The following COL28A1 variants were observed in gnomAD, a reference collection of about 807,000 sequenced individuals.
The protein encoded by COL28A1 is collagen alpha-1(XXVIII) chain.
In COL28A1, 161 loss-of-function variants were observed where a neutral mutation model predicts 150.2. The ratio of observed to expected loss-of-function variants is 1.07; its 90% CI spans 0.94 to 1.22. COL28A1 has a LOEUF of 1.22. Among genes scored for constraint, COL28A1 ranks in the 50% most tolerant of loss-of-function variants. COL28A1 has a pLI of 0.00. For missense variants in COL28A1, 1,617 were observed against 1,388.3 expected, an observed-to-expected ratio of 1.16 and a Z score of -2.62; for synonymous variants, 552 against 469.7, an observed-to-expected ratio of 1.18 and a Z score of -2.26.
In COL28A1 at chr7:7,429,426, T is replaced by TCTCTCACA. The variant is rs1554270137; in HGVS notation, c.1998+3046_1998+3047insTGTGAGAG. Among the ~76,000 whole-genome samples the TCTCTCACA allele has an allele frequency of 7.4e-4, 88 of 119,386 alleles. 1 individual carries two copies. Among genetic ancestry groups the TCTCTCACA allele is most frequent in the African/African-American group, 2.7e-3 (87 of 32,106 alleles). The allele number at this position is 119,386 out of a possible 152,430, so 78.3% of individuals were successfully genotyped here. A position where few individuals can be genotyped will look rare whatever the true frequency, so the allele number is the denominator to read the frequency against. On this transcript the variant is annotated intron_variant, in intron 25 of 34. Coordinates refer to ENST00000399429, the MANE Select transcript of COL28A1 (RefSeq NM_001037763.3). Reference sequence around the variant, plus strand: ...ATCTCCCTCTCTCTCTCTCTCTCTCTCACATACACACACACTCTCTTTCTC... The same window carrying TCTCTCACA: ...ATCTCCCTCTCTCTCTCTCTCTCTCTCTCTCACACACATACACACACACTCTCTTTCTC...
rs764860546 is a variant in COL28A1, at chr7:7,373,262, G to T, written c.2644C>A (p.Gln882Lys). ...TCTTCAAACATGTCGTTGGCTGCTT[G>T]CAGAGCAGTGGCTGTGTATGTGCCT... is the stretch of plus-strand genomic sequence containing the variant. ...GEGTYTATAL[Q>K]AANDMFEDAR... Residue 882 changes from glutamine (Q) to lysine (K), a missense_variant, in exon 32 of 35, where the codon CAA becomes AAA. Physicochemically the swap from Gln to Lys is moderately conservative, Grantham distance 53. Coordinates refer to ENST00000399429, the MANE Select transcript of COL28A1 (RefSeq NM_001037763.3). The surrounding 1 kb of genome is among the most constrained non-coding windows in gnomAD (Gnocchi z 4.1). The T allele has an allele frequency of 3.7e-6, 6 of 1,614,170 alleles. No homozygotes were observed. In the South Asian group the frequency reaches 5.5e-5, roughly 15 times the overall value.
At chr7:7,377,692 T>C (rs972437862) in intron 30 of COL28A1, among the ~76,000 whole-genome samples, 5 of 151,538 alleles carry the variant, frequency 3.3e-5, no homozygotes, top group African/African-American at 1.2e-4. Flanking sequence ...AACTTTCTCC[T>C]GGGCAGTGGG....
chr7:7,398,274 A>G (rs1176519328), intron 27 of COL28A1, among the ~76,000 whole-genome samples: 2 of 152,200 alleles, frequency 1.3e-5, no homozygotes, highest in Admixed American at 6.5e-5. Context: ...TCAGCTCTCA[A>G]TACTTACAGT....
intron 3 of COL28A1, among the ~76,000 whole-genome samples, chr7:7,525,248 G>A (rs757069164): frequency 2.0e-5 from 3 of 152,186 alleles, no homozygotes; most frequent in Non-Finnish European, 4.4e-5. Context: ...TTCAGTGCAT[G>A]TCATATGTAC....
chr7:7,354,330 T>C (rs1203989692), downstream of COL28A1, among the ~76,000 whole-genome samples: 1 of 152,104 alleles, frequency 6.6e-6, no homozygotes, highest in Non-Finnish European at 1.5e-5. Flanking sequence ...AAATTACCAA[T>C]GTTACTGGAA....
chr7:7,426,938 T>C (rs894816230), intron 25 of COL28A1, among the ~76,000 whole-genome samples: 2 of 152,188 alleles, frequency 1.3e-5, no homozygotes, highest in Non-Finnish European at 2.9e-5. Context: ...TAAAACTGAA[T>C]ATAATTTTCC....
intron 30 of COL28A1, among the ~76,000 whole-genome samples, chr7:7,379,454 T>C (rs1781742746): frequency 6.6e-6 from 1 of 152,088 alleles, no homozygotes; most frequent in African/African-American, 2.4e-5. Flanking sequence ...CACCATTTTG[T>C]CTGCTCTGGA....
intron 27 of COL28A1, among the ~76,000 whole-genome samples, chr7:7,417,046 G>T (rs987405703): frequency 2.0e-5 from 3 of 151,922 alleles, no homozygotes; most frequent in African/African-American, 7.3e-5. Context: ...TTATGACGGG[G>T]GCAGCAGTGG....
chr7:7,483,844 A>C (rs546077481), intron 13 of COL28A1, among the ~76,000 whole-genome samples: 1 of 152,170 alleles, frequency 6.6e-6, no homozygotes, highest in Non-Finnish European at 1.5e-5. Context: ...TAATAAATAT[A>C]GTTAATAAAA....
chr7:7,374,038 A>ATATATAT (rs1554260692), intron 31 of COL28A1, among the ~76,000 whole-genome samples: 14 of 113,624 alleles, frequency 1.2e-4, no homozygotes, highest in South Asian at 3.2e-4. Flanking sequence ...AAAAAAAAAA[A>ATATATAT]ATATATATAT....
chr7:7,344,928 T>C, the COL28A1 span, among the ~76,000 whole-genome samples: 1 of 152,036 alleles, frequency 6.6e-6, no homozygotes, highest in African/African-American at 2.4e-5. Flanking sequence ...AATTGAGTTA[T>C]TACAGCGCAA....
intron 26 of COL28A1, among the ~76,000 whole-genome samples, chr7:7,419,086 A>AT (rs1189263530): frequency 1.3e-5 from 2 of 152,146 alleles, no homozygotes; most frequent in African/African-American, 4.8e-5. Context: ...ATTGACATCT[A>AT]TTTTCCCTAT....
At chr7:7,444,316 A>G in intron 19 of COL28A1, 102 bp downstream of exon 19, 1 of 1,514,030 alleles carries the variant, frequency 6.6e-7, no homozygotes, top group Non-Finnish European at 8.9e-7. Context: ...TCTTAAAGAA[A>G]CTAAGTTTGT....
At chr7:7,405,215 A>G (rs1253076358) in intron 27 of COL28A1, among the ~76,000 whole-genome samples, 6 of 152,324 alleles carry the variant, frequency 3.9e-5, no homozygotes, top group African/African-American at 1.2e-4. Flanking sequence ...AGCAGATTCT[A>G]TTTTGAAGGA....
At chr7:7,457,055 C>G (rs772418813) in intron 15 of COL28A1, among the ~76,000 whole-genome samples, 9 of 152,164 alleles carry the variant, frequency 5.9e-5, no homozygotes, top group Non-Finnish European at 1.0e-4. Flanking sequence ...GCGGGTGGAA[C>G]CATCTCCATG....
chr7:7,478,275 T>C (rs1789090752), intron 13 of COL28A1, among the ~76,000 whole-genome samples: 1 of 151,822 alleles, frequency 6.6e-6, no homozygotes, highest in Non-Finnish European at 1.5e-5. Context: ...TAGCTAGACA[T>C]AAAGATGCTC....
intron 21 of COL28A1, 57 bp downstream of exon 21, chr7:7,440,733 T>TA (rs1423705722): frequency 6.9e-6 from 5 of 721,278 alleles, no homozygotes; most frequent in Non-Finnish European, 4.8e-6. Flanking sequence ...AATACTATAT[T>TA]AAAACCAGAC....
At chr7:7,480,354 A>T (rs879343232) in intron 13 of COL28A1, among the ~76,000 whole-genome samples, 2 of 152,242 alleles carry the variant, frequency 1.3e-5, no homozygotes, top group Non-Finnish European at 2.9e-5. Context: ...ACTTAACAGA[A>T]ACCTAGCTTT....
rs759061367 is a variant in COL28A1 at position 7,373,331 on chromosome 7, C to T, written c.2575G>A (p.Asp859Asn). 5 of 1,614,186 alleles carry T rather than the reference C, an allele frequency of 3.1e-6. No individual in the cohort carries two copies. The highest frequency in any genetic ancestry group is 1.6e-4 in the Middle Eastern group (1 of 6,062). ...VANLKQFSSK[D>N]DFKLAVDNMQ... ...TTGTCCACAGCCAACTTGAAGTCAT[C>T]CTTGCTGGAGAACTGCTTCAAATTA... Residue 859 changes from aspartate (D) to asparagine (N), a missense_variant, in exon 32 of 35, where the codon GAT becomes AAT. Transcript: ENST00000399429. The surrounding 1 kb of genome is among the most constrained non-coding windows in gnomAD (Gnocchi z 4.1).
Sources: allele counts gnomAD v4.1 joint callset (sites outside exome capture counted in the v4.1 genomes callset), GRCh38; gene constraint gnomAD v4.1.1; non-coding constraint Gnocchi (gnomAD v3.1); transcripts MANE v1.5; gene names NCBI Gene and HGNC (gene_info 2026-07-23, HGNC 2026-07-21).